The following KLRC1 variants were observed in gnomAD, a reference collection of about 807,000 sequenced individuals.
KLRC1 encodes NKG2-A/NKG2-B type II integral membrane protein.
Under a neutral mutation model 25.9 loss-of-function variants are expected in KLRC1, and 22 were observed. The observed-to-expected ratio is 0.85, with a 90% CI of 0.61 to 1.21. The LOEUF (loss-of-function observed/expected upper bound fraction) is 1.21. Among genes scored for constraint, KLRC1 ranks in the 50% most tolerant of loss-of-function variants. KLRC1 has a pLI of 0.00. For synonymous variants in KLRC1, 77 were observed against 93.1 expected, an observed-to-expected ratio of 0.83 and a Z score of 0.99; for missense variants, 240 against 272.2, an observed-to-expected ratio of 0.88 and a Z score of 0.83.
At chr12:10,447,228 T>C (rs1237506180) in intron 6 of KLRC1, 1 of 228,086 alleles carries the variant, frequency 4.4e-6, no homozygotes, top group African/African-American at 2.3e-5. Context: ...TTTTCTTTTT[T>C]TTGCTCGTCA....
downstream of KLRC1, among the ~76,000 whole-genome samples, chr12:10,445,515 T>C (rs956784137): frequency 6.6e-6 from 1 of 152,152 alleles, no homozygotes; most frequent in African/African-American, 2.4e-5. Flanking sequence ...AAACGATACA[T>C]ATGATACACA....
chr12:10,449,107 A>G, intron 5 of KLRC1, 130 bp downstream of exon 5: 1 of 1,167,520 alleles, frequency 8.6e-7, no homozygotes, highest in Non-Finnish European at 1.2e-6. Flanking sequence ...TAAGTCAATC[A>G]ATTAAATACT....
chr12:10,450,645 G>T, intron 2 of KLRC1, 66 bp from the exon 3 acceptor site: 1 of 1,016,068 alleles, frequency 9.8e-7, no homozygotes, highest in Non-Finnish European at 1.5e-6. Flanking sequence ...AAGATTCACA[G>T]ACAAGAGAAC....
downstream of KLRC1, among the ~76,000 whole-genome samples, chr12:10,444,018 T>C (rs2460738): frequency 0.98 from 127,022 of 129,394 alleles, 62,801 homozygotes; most frequent in Middle Eastern, 1. Context: ...TTCAGTAATA[T>C]ATATCCAAAT....
intron 5 of KLRC1, 96 bp downstream of exon 5, chr12:10,449,141 C>A (rs1864065574): frequency 6.8e-7 from 1 of 1,480,466 alleles, no homozygotes; most frequent in South Asian, 1.2e-5. Flanking sequence ...AACATATAAG[C>A]TAAATGTATA....
chr12:10,442,294 C>G (rs528855663), downstream of KLRC1: 50 of 477,350 alleles, frequency 1.0e-4, 12 homozygotes, highest in African/African-American at 9.0e-4. Context: ...ATTAAATTAA[C>G]AAGTTTCTAT....
At chr12:10,451,539 C>A (rs1442693724) in intron 1 of KLRC1, among the ~76,000 whole-genome samples, 1 of 151,966 alleles carries the variant, frequency 6.6e-6, no homozygotes, top group African/African-American at 2.4e-5. Flanking sequence ...GCCTGTAGTC[C>A]TAGCTACTCG....
chr12:10,443,660 T>C (rs1274488105), downstream of KLRC1, among the ~76,000 whole-genome samples: 4 of 141,628 alleles, frequency 2.8e-5, no homozygotes, highest in African/African-American at 8.1e-5. Context: ...TTATCACTCA[T>C]ATGCACACAC....
At chr12:10,448,891 CTT>C (rs1003403388) in intron 5 of KLRC1, among the ~76,000 whole-genome samples, 2 of 152,140 alleles carry the variant, frequency 1.3e-5, no homozygotes, top group African/African-American at 4.8e-5. Context: ...GAGCTGGAAA[CTT>C]TTATTTCATG....
downstream of KLRC1, among the ~76,000 whole-genome samples, chr12:10,444,567 GTC>G (rs1478935007): frequency 1.3e-5 from 2 of 152,098 alleles, no homozygotes; most frequent in African/African-American, 4.8e-5. Context: ...ACATTTTAAT[GTC>G]TATATGAAAT....
downstream of KLRC1, among the ~76,000 whole-genome samples, chr12:10,444,267 G>A (rs1441667422): frequency 2.1e-5 from 3 of 143,408 alleles, no homozygotes; most frequent in East Asian, 2.1e-4. Flanking sequence ...AAAAAATCAC[G>A]ATAAAGAATA....
chr12:10,447,186 G>A (rs1025216869), intron 6 of KLRC1: 3 of 195,714 alleles, frequency 1.5e-5, no homozygotes, highest in African/African-American at 7.1e-5. Flanking sequence ...ATACATATAC[G>A]TAAACTTTCT....
chr12:10,450,906 A>G, intron 2 of KLRC1, 64 bp downstream of exon 2: 1 of 1,229,398 alleles, frequency 8.1e-7, no homozygotes, highest in Non-Finnish European at 1.1e-6. Context: ...CTCTTTCCCC[A>G]CATTCCTGTA....
rs757144280 is a variant in KLRC1, at chr12:10,451,116, G to A, written c.41C>T (p.Pro14Leu). The A allele has an allele frequency of 5.0e-6, 8 of 1,613,892 alleles. No individual in the cohort carries two copies. The East Asian group carries it at 1.1e-4, about 22-fold the overall frequency. Residue 14 changes from proline to leucine, a missense_variant, in exon 2 of 7, where the codon CCC (proline) becomes CTC (leucine). Physicochemically the swap from Pro to Leu is moderately conservative, Grantham distance 98 (BLOSUM62 -3). Transcript: ENST00000359151. ...TCGTTGCTGCCTCTTTGGGTTTGGG[G>A]GCAGATTCAGGTCTGAGTAGATTAC... ...QGVIYSDLNL[P>L]PNPKRQQRKP...
intron 6 of KLRC1, 25 bp downstream of exon 6, chr12:10,447,506 AT>A: frequency 1.3e-6 from 2 of 1,499,810 alleles, no homozygotes; most frequent in Non-Finnish European, 1.8e-6. Context: ...ATATATTGTT[AT>A]ATAGCGCCAT....
At chr12:10,453,571 T>A (rs1198547800), upstream of KLRC1, among the ~76,000 whole-genome samples, 1 of 152,208 alleles carries the variant, frequency 6.6e-6, no homozygotes, top group Non-Finnish European at 1.5e-5. Context: ...AGAATTTTTT[T>A]TTTTTCTGTC....
chr12:10,444,057 T>A (rs371216914), downstream of KLRC1, among the ~76,000 whole-genome samples: 3 of 135,602 alleles, frequency 2.2e-5, no homozygotes, highest in Non-Finnish European at 3.1e-5. Flanking sequence ...ATTATCAAAA[T>A]GAATGGTCAC....
At chr12:10,447,803 A>G (rs1864024968) in intron 5 of KLRC1, among the ~76,000 whole-genome samples, 171 bp from the exon 6 acceptor site, 1 of 152,206 alleles carries the variant, frequency 6.6e-6, no homozygotes, top group Admixed American at 6.5e-5. Flanking sequence ...TATTCTTCTC[A>G]TGTTAATAAA....
rs771648319 is a variant in KLRC1 at position 10,449,913 on chromosome 12, CCTTT to C, written c.334_337del (p.Lys112HisfsTer45). ...TTAAAACTTTAAAAATTATTATATACCTTTCTGAGTTCTTGTATTCAGGGAAGAA... is the reference window on the plus strand; with the variant it reads ...TTAAAACTTTAAAAATTATTATATACCTGAGTTCTTGTATTCAGGGAAGAA... On this transcript the variant is annotated frameshift_variant and splice_region_variant, in exon 4 of 7. Coordinates refer to ENST00000359151, the MANE Select transcript of KLRC1 (RefSeq NM_002259.5). LOFTEE classifies it high-confidence loss of function. The C allele has an allele frequency of 1.6e-5, 23 of 1,472,932 alleles. No individual in the cohort carries two copies. In the African/African-American group the frequency reaches 2.9e-4, roughly 19 times the overall value. The allele number at this position is 1,472,932 out of a possible 1,614,324, so 91.2% of individuals were successfully genotyped here. A position where few individuals can be genotyped will look rare whatever the true frequency, so the allele number is the denominator to read the frequency against.
Sources: gnomAD v4.1 joint callset for allele counts (sites outside exome capture counted in the v4.1 genomes callset) on GRCh38, gnomAD v4.1.1 for gene constraint, MANE v1.5 for transcripts, NCBI Gene and HGNC (gene_info 2026-07-23, HGNC 2026-07-21) for gene names.